Variants in ARHGAP39 observed in about 807,000 individuals in gnomAD.
ARHGAP39 encodes Rho GTPase activating protein 39, also known as rho GTPase-activating protein 39.
Under a neutral mutation model 106.9 loss-of-function variants are expected in ARHGAP39, and 44 were observed. The observed-to-expected ratio is 0.41, with a 90% CI of 0.32 to 0.53. The LOEUF (loss-of-function observed/expected upper bound fraction) is 0.53, where lower values mean the gene tolerates loss of function less well. Among genes scored for constraint, ARHGAP39 ranks in the 20% least tolerant of loss-of-function variants. ARHGAP39 has a pLI of 0.21. For synonymous variants in ARHGAP39, 768 were observed against 693.2 expected (o/e 1.11, Z -1.69); for missense variants, 1,496 against 1,577.3 (o/e 0.95, Z 0.87).
chr8:144,545,363 G>C lies in ARHGAP39; in HGVS notation c.2407C>G (p.Arg803Gly). ...CAGATGGCCATGAGCTCCCAGCCGCGGGCCAGGCTCTCCAGGCGGAAGTTC... is the reference window on the plus strand; with the variant it reads ...CAGATGGCCATGAGCTCCCAGCCGCCGGCCAGGCTCTCCAGGCGGAAGTTC... ...TENFRLESLA[R>G]GWELMAICLA... is the part of the protein sequence containing the mutation. The change falls in exon 6 of 12, where the codon CGC becomes GGC. Residue 803 changes from arginine to glycine, a missense_variant. Around this residue, in one of 4 missense-constraint regions of ARHGAP39, gnomAD observed 470 missense variants for 605.1 expected, o/e 0.78. Coordinates refer to ENST00000377307, the MANE Select transcript of ARHGAP39 (RefSeq NM_025251.3). The C allele has an allele frequency of 6.2e-7, 1 of 1,600,656 alleles. No individual in the cohort carries two copies.
In ARHGAP39 at chr8:144,644,951, T is replaced by C. The variant is rs961357316; in HGVS notation, c.-81-39256A>G. The stretch of plus-strand genomic sequence containing the variant: ...CTCCGTGCTGCCACACCCTGCCCAG[T>C]GCGCCCATTCAGGACAGAAGTCAGT... On this transcript the variant is annotated intron_variant, in intron 1 of 11. Transcript: ENST00000377307. This position sits in a 1 kb window ranked among gnomAD's most constrained non-coding sequence, Gnocchi z 4.8. Among the ~76,000 whole-genome samples the C allele has an allele frequency of 6.6e-6, 1 of 152,258 alleles. No individual in the cohort carries two copies. The highest frequency in any genetic ancestry group is 2.4e-5 in the African/African-American group (1 of 41,472).
intron 2 of ARHGAP39, among the ~76,000 whole-genome samples, chr8:144,599,130 C>G (rs1307636524): frequency 4.6e-5 from 7 of 152,202 alleles, no homozygotes; most frequent in Non-Finnish European, 1.0e-4. Flanking sequence ...GCCCCAAGGA[C>G]AGCACATCCA....
intron 7 of ARHGAP39, among the ~76,000 whole-genome samples, chr8:144,534,439 A>G (rs1816870702): frequency 6.6e-6 from 1 of 152,146 alleles, no homozygotes. Flanking sequence ...ACCGCCTGGC[A>G]GCTCCACCTG....
At chr8:144,550,297 T>C (rs1373362780) in intron 4 of ARHGAP39, among the ~76,000 whole-genome samples, 2 of 149,800 alleles carry the variant, frequency 1.3e-5, no homozygotes, top group African/African-American at 2.5e-5. Flanking sequence ...TAAATAAAAA[T>C]AAAAAGAACC....
At chr8:144,553,546 C>A (rs1251068131) in intron 4 of ARHGAP39, among the ~76,000 whole-genome samples, 1 of 152,266 alleles carries the variant, frequency 6.6e-6, no homozygotes, top group African/African-American at 2.4e-5. Context: ...ACAAGCCCCC[C>A]GAGGCAGTAC....
chr8:144,608,156 CAAAAAA>C (rs60966946), intron 1 of ARHGAP39, among the ~76,000 whole-genome samples: 716 of 96,212 alleles, frequency 7.4e-3, no homozygotes, highest in Non-Finnish European at 0.011. Context: ...GACTCTGTCT[CAAAAAA>C]AAAAAAAAAA....
intron 1 of ARHGAP39, among the ~76,000 whole-genome samples, chr8:144,680,522 A>C (rs1219259746): frequency 6.6e-6 from 1 of 152,226 alleles, no homozygotes; most frequent in Non-Finnish European, 1.5e-5. Context: ...AAGGACTCAT[A>C]TCCGTAGCAG....
intron 3 of ARHGAP39, among the ~76,000 whole-genome samples, chr8:144,577,252 G>C (rs1563682810): frequency 6.6e-6 from 1 of 152,160 alleles, no homozygotes; most frequent in African/African-American, 2.4e-5. Flanking sequence ...AGATGCTGCT[G>C]TGACAACCGG....
At chr8:144,584,027 G>C (rs2130905395) in intron 2 of ARHGAP39, 1 of 152,322 alleles carries the variant, frequency 6.6e-6, no homozygotes, top group African/African-American at 2.4e-5. Flanking sequence ...TGACAAGGAA[G>C]GACTGTCACA....
In ARHGAP39 at chr8:144,591,899, G is replaced by A. The variant is rs1819416840; in HGVS notation, c.81-10622C>T. 6.6e-6 allele frequency among the ~76,000 whole-genome samples: 1 copy of A among 152,040 alleles called. No homozygotes were observed. Among genetic ancestry groups the A allele is most frequent in the South Asian group, 2.1e-4 (1 of 4,798 alleles). ...CTCGTGCCTGCGGGGAGTGCTGCCT[G>A]TGGGGAGTGGTGCCTGTGGGGAGTG... On this transcript the variant is annotated intron_variant, in intron 2 of 11. Coordinates refer to ENST00000377307, the MANE Select transcript of ARHGAP39 (RefSeq NM_025251.3). This position sits in a 1 kb window ranked among gnomAD's most constrained non-coding sequence, Gnocchi z 5.3.
At chr8:144,642,943 A>T (rs1242849599) in intron 1 of ARHGAP39, among the ~76,000 whole-genome samples, 3 of 151,162 alleles carry the variant, frequency 2.0e-5, no homozygotes, top group Non-Finnish European at 4.4e-5. Flanking sequence ...AGCACAGGAG[A>T]TTGAGGCTGC....
intron 2 of ARHGAP39, among the ~76,000 whole-genome samples, chr8:144,593,819 G>A (rs1476270778): frequency 3.3e-5 from 5 of 152,188 alleles, no homozygotes; most frequent in African/African-American, 4.8e-5. Context: ...GCTGGGTGCC[G>A]TGGCTAACGC....
At chr8:144,605,451 T>G in intron 2 of ARHGAP39, 84 bp downstream of exon 2, 1 of 1,415,898 alleles carries the variant, frequency 7.1e-7, no homozygotes, top group African/African-American at 1.4e-5. Flanking sequence ...GAATCCTGCA[T>G]GCACACTGCT....
chr8:144,581,413 G>C (rs1818985817), intron 2 of ARHGAP39, 136 bp from the exon 3 acceptor site: 1 of 1,024,128 alleles, frequency 9.8e-7, no homozygotes, highest in Non-Finnish European at 1.4e-6. Context: ...CCCAAGCCCA[G>C]TCCGCCCCTG....
chr8:144,545,303 A>G lies in ARHGAP39; in HGVS notation c.2467T>C (p.Ser823Pro). 1 of 1,583,368 alleles carries G rather than the reference A, an allele frequency of 6.3e-7. No homozygotes were observed. The highest frequency in any genetic ancestry group is 8.6e-7 in the Non-Finnish European group (1 of 1,160,276). Residue 823 changes from serine (S) to proline (P), a missense_variant, in exon 6 of 12, where the codon TCC (serine) becomes CCC (proline). Ser to Pro is a moderately conservative substitution (Grantham distance 74). Coordinates refer to ENST00000377307, the MANE Select transcript of ARHGAP39 (RefSeq NM_025251.3). ...CGGTAGATGTAGCCTTCCAGGTAGG[A>G]GTGGAACTTGGGGGTGGGCGGGAAA... ...AFFPPTPKFH[S>P]YLEGYIYRHM...
At chr8:144,603,899 G>A (rs1014833748) in intron 2 of ARHGAP39, among the ~76,000 whole-genome samples, 1 of 144,176 alleles carries the variant, frequency 6.9e-6, no homozygotes, top group Non-Finnish European at 1.5e-5. Flanking sequence ...CAGGGACACA[G>A]GATCCAGCGA....
chr8:144,667,950 C>A (rs893793315), intron 1 of ARHGAP39, among the ~76,000 whole-genome samples: 2 of 151,900 alleles, frequency 1.3e-5, no homozygotes, highest in Admixed American at 1.3e-4. Flanking sequence ...CTTCTTCTGA[C>A]AAAGCAATGT....
At position 144,532,297 on chromosome 8, in the gene ARHGAP39, G is replaced by T; in HGVS notation, c.2980+8C>A. ...CCCGCTCTGCTGCAGCGTGTGTGGG[G>T]GACTCACCAGGGACGTGGGGGTCTT... On this transcript the variant is annotated splice_region_variant and intron_variant, in intron 10 of 11. Coordinates refer to ENST00000377307, the MANE Select transcript of ARHGAP39 (RefSeq NM_025251.3). 1.9e-6 allele frequency: 3 copies of T among 1,612,198 alleles called. No individual in the cohort carries two copies. Among genetic ancestry groups the T allele is most frequent in the Non-Finnish European group, 1.7e-6 (2 of 1,179,548 alleles).
chr8:144,685,655 G>A (rs1462945628), intron 1 of ARHGAP39, among the ~76,000 whole-genome samples, 31 bp downstream of exon 1: 1 of 148,156 alleles, frequency 6.7e-6, no homozygotes, highest in Non-Finnish European at 1.5e-5. Context: ...CTTGGCCCGC[G>A]CCGCCCACCG....
Sources: allele counts gnomAD v4.1 joint callset (sites outside exome capture counted in the v4.1 genomes callset), GRCh38; gene constraint gnomAD v4.1.1; regional missense constraint gnomAD v4.1.1; non-coding constraint Gnocchi (gnomAD v3.1); transcripts MANE v1.5; gene names NCBI Gene and HGNC (gene_info 2026-07-23, HGNC 2026-07-21).